The following ATP6V0D1 variants were observed in gnomAD, a reference collection of about 807,000 sequenced individuals.
The protein encoded by ATP6V0D1 is V-type proton ATPase subunit d 1.
ATP6V0D1 carries 13 observed loss-of-function variants against 39.0 expected under a neutral mutation model. That is an observed-to-expected ratio of 0.33 (90% CI 0.22 to 0.53). The LOEUF (loss-of-function observed/expected upper bound fraction) is 0.53, where lower values mean the gene tolerates loss of function less well. Among genes scored for constraint, ATP6V0D1 ranks in the 20% least tolerant of loss-of-function variants. ATP6V0D1 has a pLI of 0.94. For synonymous variants in ATP6V0D1, 191 were observed against 191.2 expected (o/e 1.00, Z 0.01); for missense variants, 272 against 470.9 (o/e 0.58, Z 3.91).
At chr16:67,462,694 G>A (rs1470379777) in intron 1 of ATP6V0D1, among the ~76,000 whole-genome samples, 2 of 152,168 alleles carry the variant, frequency 1.3e-5, no homozygotes, top group African/African-American at 4.8e-5. Context: ...CCAGCGCAGT[G>A]GTACATGCCT....
chr16:67,453,017 C>G lies in ATP6V0D1; in HGVS notation c.302+527G>C, dbSNP rs967391862. On this transcript the variant is annotated intron_variant, in intron 2 of 7. Coordinates refer to ENST00000290949, the MANE Select transcript of ATP6V0D1 (RefSeq NM_004691.5). This position sits in a 1 kb window ranked among gnomAD's most constrained non-coding sequence, Gnocchi z 4.1. Reference sequence around the variant, plus strand: ...TTCAGCCTGCCCCTCAACTCTACTCCGAACCAATCTCCCTGAGACCCAGGG... The same window carrying G: ...TTCAGCCTGCCCCTCAACTCTACTCGGAACCAATCTCCCTGAGACCCAGGG... Among the ~76,000 whole-genome samples the G allele has an allele frequency of 1.3e-5, 2 of 152,162 alleles. No individual in the cohort carries two copies. Among genetic ancestry groups the G allele is most frequent in the African/African-American group, 4.8e-5 (2 of 41,430 alleles).
chr16:67,459,297 C>G, intron 1 of ATP6V0D1: 1 of 980,024 alleles, frequency 1.0e-6, no homozygotes, highest in South Asian at 4.7e-5. Context: ...AAGTGAGAGT[C>G]CCTGCCCTCC....
Position 67,438,618 on chromosome 16 carries a change from C to T in ATP6V0D1, c.966G>A (p.Lys322=). The change falls in exon 8 of 8, where the codon AAG becomes AAA. Residue 322 remains lysine, a synonymous_variant. Coordinates refer to ENST00000290949, the MANE Select transcript of ATP6V0D1 (RefSeq NM_004691.5). ...FGVFYAFVKL[K]EQECRNIVWI... is the part of the protein sequence containing the mutation. ...ACACGATGTTGCGACACTCCTGCTC[C>T]TTGAGCTTCACGAAGGCATAGAAGA... The T allele has an allele frequency of 6.2e-7, 1 of 1,614,260 alleles. No homozygotes were observed. The highest frequency in any genetic ancestry group is 8.5e-7 in the Non-Finnish European group (1 of 1,180,052).
intron 1 of ATP6V0D1, among the ~76,000 whole-genome samples, chr16:67,468,686 A>G (rs2041349678): frequency 6.6e-6 from 1 of 152,118 alleles, no homozygotes; most frequent in Non-Finnish European, 1.5e-5. Context: ...GAAGTGTATT[A>G]TGCAATGTTT....
At chr16:67,448,659 C>CAAAAA (rs34654965) in intron 2 of ATP6V0D1, among the ~76,000 whole-genome samples, 1 of 49,488 alleles carries the variant, frequency 2.0e-5, no homozygotes, top group Non-Finnish European at 4.7e-5. Context: ...GACTCCAGCT[C>CAAAAA]AAAAAAAAAA....
intron 1 of ATP6V0D1, among the ~76,000 whole-genome samples, chr16:67,461,155 T>C (rs1221048511): frequency 6.6e-6 from 1 of 152,228 alleles, no homozygotes; most frequent in East Asian, 1.9e-4. Flanking sequence ...TAGGCTGTCC[T>C]ACTAAGTCCT....
chr16:67,465,544 T>C (rs550748668), intron 1 of ATP6V0D1, among the ~76,000 whole-genome samples: 409 of 152,320 alleles, frequency 2.7e-3, no homozygotes, highest in Non-Finnish European at 5.2e-3. Flanking sequence ...AAGCTCCTAC[T>C]TGGAGCTCCC....
rs748596250 is a variant in ATP6V0D1 at position 67,438,961 on chromosome 16, G to C, written c.816+10C>G. The C allele has an allele frequency of 3.8e-5, 61 of 1,613,428 alleles. No homozygotes were observed. The highest frequency in any genetic ancestry group is 5.0e-5 in the Non-Finnish European group (59 of 1,179,744). On this transcript the variant is annotated intron_variant, in intron 6 of 7. Transcript: ENST00000290949. ...CATCCAACCGCTGTCCTGCCAGCCGGGGCACTCACCGGGTAGTAATCGGCC... is the reference window on the plus strand; with the variant it reads ...CATCCAACCGCTGTCCTGCCAGCCGCGGCACTCACCGGGTAGTAATCGGCC...
At chr16:67,463,676 A>G (rs2041306908) in intron 1 of ATP6V0D1, among the ~76,000 whole-genome samples, 2 of 152,240 alleles carry the variant, frequency 1.3e-5, no homozygotes, top group African/African-American at 4.8e-5. Context: ...TTTCGCTGGC[A>G]GAGCCAAGAG....
intron 1 of ATP6V0D1, among the ~76,000 whole-genome samples, chr16:67,475,983 A>G (rs956698977): frequency 5.9e-5 from 9 of 152,174 alleles, no homozygotes; most frequent in Non-Finnish European, 1.0e-4. Flanking sequence ...TAATCCCAGC[A>G]CTTTGGGAGG....
Position 67,438,494 on chromosome 16 carries a change from CAA to C in ATP6V0D1, c.*32_*33del, listed in dbSNP as rs1491203985. 9.9e-6 allele frequency: 16 copies of C among 1,608,978 alleles called. No homozygotes were observed. Among genetic ancestry groups the C allele is most frequent in the Admixed American group, 3.4e-5 (2 of 59,608 alleles). On this transcript the variant is annotated 3_prime_UTR_variant, in exon 8 of 8. Transcript: ENST00000290949. ...ACGCGCACACACACACACACACACA[CAA>C]AGAGTGCAATTGAGAGCCTTGGGCC...
At chr16:67,470,652 A>T (rs1001888450) in intron 1 of ATP6V0D1, among the ~76,000 whole-genome samples, 1 of 152,212 alleles carries the variant, frequency 6.6e-6, no homozygotes, top group Non-Finnish European at 1.5e-5. Flanking sequence ...TTCCAGGTTA[A>T]TATCTTTAGT....
chr16:67,467,135 C>A (rs999156744), intron 1 of ATP6V0D1, among the ~76,000 whole-genome samples: 3 of 152,114 alleles, frequency 2.0e-5, no homozygotes, highest in Non-Finnish European at 4.4e-5. Context: ...TGATATGGTG[C>A]ATCCCTGGGG....
intron 1 of ATP6V0D1, among the ~76,000 whole-genome samples, chr16:67,472,764 G>A (rs990825529): frequency 1.3e-5 from 2 of 152,080 alleles, no homozygotes; most frequent in Non-Finnish European, 2.9e-5. Context: ...CAGCTACTCG[G>A]GAGGCTGAGG....
At position 67,438,195 on chromosome 16, in the gene ATP6V0D1, G is replaced by C; in HGVS notation, c.*333C>G. ...GCTCAAACTGCCCCCAGGCCCCAGGGTTCTCAGGTCAGGGAGTTAGGGAGG... is the reference window on the plus strand; with the variant it reads ...GCTCAAACTGCCCCCAGGCCCCAGGCTTCTCAGGTCAGGGAGTTAGGGAGG... On this transcript the variant is annotated 3_prime_UTR_variant, in exon 8 of 8. Coordinates refer to ENST00000290949, the MANE Select transcript of ATP6V0D1 (RefSeq NM_004691.5). 1 of 310,604 alleles carries C rather than the reference G, an allele frequency of 3.2e-6. No homozygotes were observed. The highest frequency in any genetic ancestry group is 6.1e-6 in the Non-Finnish European group (1 of 164,584). 19.2% of individuals were successfully genotyped at this position (310,604 alleles called of 1,614,324 possible). A position where few individuals can be genotyped will look rare whatever the true frequency, so the allele number is the denominator to read the frequency against.
chr16:67,481,071 C>G lies in ATP6V0D1; in HGVS notation c.16G>C (p.Glu6Gln). Residue 6 changes from glutamate (E) to glutamine (Q), a missense_variant, in exon 1 of 8, where the codon GAG becomes CAG. Glu to Gln is a conservative substitution (Grantham distance 29). Transcript: ENST00000290949. ...CCATTGTCCACGTTAAAGTAAAGCT[C>G]CGGGAAGAACGACATGGCTGCTGCG... is the stretch of plus-strand genomic sequence containing the variant. MSFFP[E>Q]LYFNVDNGYL... is the part of the protein sequence containing the mutation. 1 of 1,614,152 alleles carries G rather than the reference C, an allele frequency of 6.2e-7. No individual in the cohort carries two copies. Among genetic ancestry groups the G allele is most frequent in the Non-Finnish European group, 8.5e-7 (1 of 1,179,976 alleles).
intron 4 of ATP6V0D1, among the ~76,000 whole-genome samples, chr16:67,442,797 A>G (rs1434993004): frequency 6.6e-6 from 1 of 152,164 alleles, no homozygotes; most frequent in Admixed American, 6.5e-5. Context: ...GTGGTAGTCC[A>G]TGACCCTCCT....
At chr16:67,477,890 C>T (rs1035156488) in intron 1 of ATP6V0D1, among the ~76,000 whole-genome samples, 3 of 152,044 alleles carry the variant, frequency 2.0e-5, no homozygotes, top group African/African-American at 2.4e-5. Flanking sequence ...AGGATGGTCT[C>T]GATCTCCTGA....
At chr16:67,459,738 C>T (rs1050180863) in intron 1 of ATP6V0D1, among the ~76,000 whole-genome samples, 14 of 152,364 alleles carry the variant, frequency 9.2e-5, no homozygotes, top group Admixed American at 4.6e-4. Context: ...AGATGGCACA[C>T]GGCTTTTTCA....
Sources: gnomAD v4.1 joint callset for allele counts (sites outside exome capture counted in the v4.1 genomes callset) on GRCh38, gnomAD v4.1.1 for gene constraint, Gnocchi (gnomAD v3.1) non-coding constraint, MANE v1.5 for transcripts, NCBI Gene and HGNC (gene_info 2026-07-23, HGNC 2026-07-21) for gene names.